The following EDIL3 variants were observed in gnomAD, a reference collection of about 807,000 sequenced individuals.
The protein encoded by EDIL3 is EGF-like repeat and discoidin I-like domain-containing protein 3.
In EDIL3, 37 loss-of-function variants were observed where a neutral mutation model predicts 67.4. That is an observed-to-expected ratio of 0.55 (90% CI 0.42 to 0.72). The LOEUF is 0.72. Among genes scored for constraint, EDIL3 ranks in the 30% least tolerant of loss-of-function variants. EDIL3 has a pLI of 0.00. For missense variants in EDIL3, 527 were observed against 586.3 expected (o/e 0.90, Z 1.04); for synonymous variants, 195 against 196.3 (o/e 0.99, Z 0.05).
At chr5:84,022,546 G>A (rs987897809) in intron 9 of EDIL3, among the ~76,000 whole-genome samples, 1 of 151,870 alleles carries the variant, frequency 6.6e-6, no homozygotes, top group Non-Finnish European at 1.5e-5. Context: ...GAATACTAAT[G>A]GAATACTATT....
At chr5:84,081,027 T>A (rs1383349023) in intron 6 of EDIL3, among the ~76,000 whole-genome samples, 1 of 152,192 alleles carries the variant, frequency 6.6e-6, no homozygotes, top group Non-Finnish European at 1.5e-5. Context: ...AAAACTATAA[T>A]CTCTTTATGA....
Position 84,253,826 on chromosome 5 carries a change from A to G in EDIL3, c.196+258T>C, listed in dbSNP as rs114585122. On this transcript the variant is annotated intron_variant, in intron 2 of 10. Transcript: ENST00000296591. ...TATATTAATATTAGAAATATAAGAA[A>G]TGTTATATTTATGTATTATTTGTAA... Among the ~76,000 whole-genome samples, 309 of 151,844 alleles carry G rather than the reference A, an allele frequency of 2.0e-3. 2 individuals are homozygous for G. The highest frequency in any genetic ancestry group is 7.1e-3 in the African/African-American group (296 of 41,516).
chr5:84,229,106 A>G (rs1282588184), intron 3 of EDIL3, among the ~76,000 whole-genome samples: 1 of 151,984 alleles, frequency 6.6e-6, no homozygotes, highest in African/African-American at 2.4e-5. Context: ...TCTTTTATTA[A>G]TTAATCAAGT....
intron 5 of EDIL3, among the ~76,000 whole-genome samples, chr5:84,127,439 G>T (rs962269466): frequency 6.6e-6 from 1 of 152,166 alleles, no homozygotes; most frequent in Middle Eastern, 3.4e-3. Flanking sequence ...TCACCTTAAT[G>T]GTTCTTTGGG....
intron 1 of EDIL3, among the ~76,000 whole-genome samples, chr5:84,284,140 A>G (rs1745762552): frequency 6.6e-6 from 1 of 152,180 alleles, no homozygotes; most frequent in Non-Finnish European, 1.5e-5. Flanking sequence ...GGTCTGTTTA[A>G]TATACATGTC....
chr5:84,078,460 T>C (rs1746904267), intron 6 of EDIL3, among the ~76,000 whole-genome samples: 2 of 152,180 alleles, frequency 1.3e-5, no homozygotes, highest in Non-Finnish European at 2.9e-5. Context: ...AAACACACCT[T>C]ATGATATAAC....
At chr5:84,310,200 T>A (rs1312550760) in intron 1 of EDIL3, among the ~76,000 whole-genome samples, 1 of 152,226 alleles carries the variant, frequency 6.6e-6, no homozygotes, top group Non-Finnish European at 1.5e-5. Flanking sequence ...TAGAAAATAC[T>A]TTTCAGCTCA....
At chr5:84,199,028 G>C (rs150910973) in intron 3 of EDIL3, among the ~76,000 whole-genome samples, 5 of 152,124 alleles carry the variant, frequency 3.3e-5, no homozygotes, top group Non-Finnish European at 7.4e-5. Context: ...CTTTGTTCTA[G>C]TGGGTAGGTA....
At chr5:83,999,010 G>C (rs1258079365) in intron 9 of EDIL3, among the ~76,000 whole-genome samples, 1 of 152,098 alleles carries the variant, frequency 6.6e-6, no homozygotes, top group East Asian at 1.9e-4. Context: ...GAATTCTCCT[G>C]GATCTCATCC....
At chr5:84,194,469 A>T (rs986446392) in intron 3 of EDIL3, among the ~76,000 whole-genome samples, 1 of 151,984 alleles carries the variant, frequency 6.6e-6, no homozygotes, top group Non-Finnish European at 1.5e-5. Context: ...TAGAAATAAC[A>T]TTATTACTTG....
intron 5 of EDIL3, among the ~76,000 whole-genome samples, chr5:84,116,300 A>G (rs1028078286): frequency 5.9e-5 from 9 of 152,116 alleles, no homozygotes; most frequent in African/African-American, 2.2e-4. Context: ...AAAGTTGTGG[A>G]AGAAATGACA....
intron 1 of EDIL3, among the ~76,000 whole-genome samples, chr5:84,279,665 C>T (rs1325526016): frequency 6.6e-6 from 1 of 152,136 alleles, no homozygotes; most frequent in Admixed American, 6.5e-5. Context: ...GAGCTTTGCC[C>T]TTTGCTATCA....
chr5:84,248,578 T>C (rs1248276006), intron 2 of EDIL3, among the ~76,000 whole-genome samples: 1 of 152,222 alleles, frequency 6.6e-6, no homozygotes, highest in African/African-American at 2.4e-5. Flanking sequence ...TATGTAATTA[T>C]GACTTCTACA....
chr5:84,284,763 A>C (rs1417042419), intron 1 of EDIL3, among the ~76,000 whole-genome samples: 3 of 152,198 alleles, frequency 2.0e-5, no homozygotes, highest in African/African-American at 7.2e-5. Flanking sequence ...CAAAGACCAA[A>C]GATCATACTT....
intron 9 of EDIL3, among the ~76,000 whole-genome samples, chr5:84,025,305 C>A (rs560155184): frequency 6.6e-6 from 1 of 152,042 alleles, no homozygotes; most frequent in African/African-American, 2.4e-5. Context: ...GGCAAGGGAG[C>A]GAAGCTTCAT....
chr5:84,382,154 C>T (rs1260324590), intron 1 of EDIL3, among the ~76,000 whole-genome samples: 19 of 152,182 alleles, frequency 1.2e-4, no homozygotes, highest in Non-Finnish European at 2.4e-4. Flanking sequence ...ATTTATTTTT[C>T]CTCAAGCCTT....
chr5:84,306,410 C>A (rs974960201), intron 1 of EDIL3, among the ~76,000 whole-genome samples: 9 of 152,138 alleles, frequency 5.9e-5, no homozygotes, highest in African/African-American at 1.9e-4. Flanking sequence ...ATTAATAATA[C>A]CATACTGGTA....
At chr5:84,089,195 C>T (rs955582364) in intron 6 of EDIL3, among the ~76,000 whole-genome samples, 2 of 152,180 alleles carry the variant, frequency 1.3e-5, no homozygotes, top group Non-Finnish European at 2.9e-5. Flanking sequence ...AAATGGCCAA[C>T]GGCTTAGAAG....
At chr5:83,970,262 A>ATATATG (rs1452930088) in intron 9 of EDIL3, among the ~76,000 whole-genome samples, 1 of 86,084 alleles carries the variant, frequency 1.2e-5, no homozygotes, top group Admixed American at 1.5e-4. Flanking sequence ...CTAATTATAT[A>ATATATG]TATATATATA....
Sources: gnomAD v4.1 joint callset for allele counts (sites outside exome capture counted in the v4.1 genomes callset) on GRCh38, gnomAD v4.1.1 for gene constraint, MANE v1.5 for transcripts, NCBI Gene and HGNC (gene_info 2026-07-23, HGNC 2026-07-21) for gene names.